CDH4: variants seen among roughly 807,000 people sequenced by gnomAD.
The protein encoded by CDH4 is cadherin-4.
CDH4 carries 33 observed loss-of-function variants against 86.0 expected under a neutral mutation model. The ratio of observed to expected loss-of-function variants is 0.38; its 90% CI spans 0.29 to 0.51. CDH4 has a LOEUF of 0.51. CDH4 is among the 20% of genes least tolerant of loss of function. The pLI is 0.86. For synonymous variants in CDH4, 555 were observed against 549.4 expected (o/e 1.01, Z -0.14); for missense variants, 1,114 against 1,307.4 (o/e 0.85, Z 2.28).
rs779711635 is a variant in CDH4 at position 61,844,697 on chromosome 20, C to T, written c.606C>T (p.Pro202=). The change falls in exon 5 of 16, where the codon CCC becomes CCT. Residue 202 remains proline, a synonymous_variant. Transcript: ENST00000614565. ...RIRSDKDNDI[P]IRYSITGVGA... ...GGTCCGACAAAGACAATGACATCCC[C>T]ATCCGGTACAGCATCACGGGAGTGG... is the stretch of plus-strand genomic sequence containing the variant. 6 of 1,613,428 alleles carry T rather than the reference C, an allele frequency of 3.7e-6. No homozygotes were observed. Among genetic ancestry groups the T allele is most frequent in the African/African-American group, 1.3e-5 (1 of 75,064 alleles).
At chr20:61,692,140 T>A (rs114339746) in intron 2 of CDH4, among the ~76,000 whole-genome samples, 2,494 of 146,446 alleles carry the variant, frequency 0.017, 55 homozygotes, top group African/African-American at 0.059. Flanking sequence ...TGTGTCTGTA[T>A]GTATGTGTGT....
At chr20:61,598,809 T>A (rs1254989538) in intron 2 of CDH4, among the ~76,000 whole-genome samples, 1 of 152,174 alleles carries the variant, frequency 6.6e-6, no homozygotes, top group Non-Finnish European at 1.5e-5. Flanking sequence ...GGGTCCTCCA[T>A]GGAAGTGTGG....
At chr20:61,698,314 GCA>G (rs1245097514) in intron 2 of CDH4, among the ~76,000 whole-genome samples, 5 of 152,246 alleles carry the variant, frequency 3.3e-5, no homozygotes, top group Admixed American at 6.5e-5. Context: ...GCGATTGAGG[GCA>G]CAGAGTCGAG....
chr20:61,568,322 A>C (rs1415363306), intron 2 of CDH4, among the ~76,000 whole-genome samples: 1 of 152,170 alleles, frequency 6.6e-6, no homozygotes. Flanking sequence ...TTCTCACCAG[A>C]TCTGATGGTT....
chr20:61,542,670 G>C (rs6061632), intron 2 of CDH4, among the ~76,000 whole-genome samples: 8,470 of 152,242 alleles, frequency 0.056, 793 homozygotes, highest in African/African-American at 0.19. Context: ...AAACACAAGG[G>C]AATATTTATA....
At chr20:61,332,504 G>A (rs1224611179) in intron 2 of CDH4, among the ~76,000 whole-genome samples, 1 of 152,226 alleles carries the variant, frequency 6.6e-6, no homozygotes, top group Non-Finnish European at 1.5e-5. Context: ...TCTACGGTAG[G>A]GGGATTCTTG....
At chr20:61,814,146 CTG>C (rs961065883) in intron 4 of CDH4, among the ~76,000 whole-genome samples, 4 of 152,208 alleles carry the variant, frequency 2.6e-5, no homozygotes, top group African/African-American at 9.6e-5. Flanking sequence ...GTATGGTAAC[CTG>C]TGTGTCCTCC....
intron 2 of CDH4, among the ~76,000 whole-genome samples, chr20:61,459,423 T>A (rs1568852746): frequency 6.6e-6 from 1 of 151,556 alleles, no homozygotes; most frequent in Non-Finnish European, 1.5e-5. Context: ...ACACTGCAGT[T>A]CTTCACTGGT....
chr20:61,321,155 G>C (rs2084506234), intron 2 of CDH4, among the ~76,000 whole-genome samples: 1 of 152,226 alleles, frequency 6.6e-6, no homozygotes, highest in Non-Finnish European at 1.5e-5. Flanking sequence ...GAGAGGAAGA[G>C]AGAGAAGGCT....
chr20:61,743,519 C>T (rs1187818562), intron 2 of CDH4, 44 bp from the exon 3 acceptor site: 7 of 1,492,162 alleles, frequency 4.7e-6, no homozygotes, highest in Admixed American at 2.0e-5. Context: ...TACCGCCCTT[C>T]TGCTGGCCAA....
At position 61,424,580 on chromosome 20, in the gene CDH4, T is replaced by C. The variant is rs150350405; in HGVS notation, c.169+169643T>C. Among the ~76,000 whole-genome samples the C allele has an allele frequency of 2.0e-5, 3 of 152,312 alleles. No homozygotes were observed. In the East Asian group the frequency reaches 5.8e-4, roughly 29 times the overall value. On this transcript the variant is annotated intron_variant, in intron 2 of 15. Coordinates refer to ENST00000614565, the MANE Select transcript of CDH4 (RefSeq NM_001794.5). ...TGCAGCCACTGATGTGGTCCTCCCA[T>C]GGCCCTTGTCTCCTCCTGGGTCTCT...
At chr20:61,297,669 C>T (rs1275939682) in intron 2 of CDH4, among the ~76,000 whole-genome samples, 3 of 152,254 alleles carry the variant, frequency 2.0e-5, no homozygotes, top group Non-Finnish European at 4.4e-5. Context: ...CAAGAAGCTC[C>T]TCTGTCCTGC....
At chr20:61,352,261 A>G (rs4812315) in intron 2 of CDH4, among the ~76,000 whole-genome samples, 67,280 of 152,086 alleles carry the variant, frequency 0.44, 15,346 homozygotes, top group African/African-American at 0.55. Context: ...CTGTCCTGCA[A>G]CTTACTTTTA....
At chr20:61,639,729 C>T (rs1015661821) in intron 2 of CDH4, among the ~76,000 whole-genome samples, 4 of 151,996 alleles carry the variant, frequency 2.6e-5, no homozygotes, top group South Asian at 2.1e-4. Context: ...CTTAACGCAG[C>T]GCAGAAGGCT....
intron 2 of CDH4, among the ~76,000 whole-genome samples, chr20:61,569,038 G>C (rs1476201638): frequency 2.0e-5 from 3 of 152,162 alleles, no homozygotes; most frequent in African/African-American, 7.2e-5. Context: ...GGACTGCATG[G>C]GTCATGGGGG....
At chr20:61,928,086 T>A in intron 11 of CDH4, 104 bp from the exon 12 acceptor site, 1 of 864,396 alleles carries the variant, frequency 1.2e-6, no homozygotes, top group Non-Finnish European at 1.9e-6. Context: ...TGTGTCCCTG[T>A]GTATGTTGCA....
chr20:61,560,568 T>G (rs2086209240), intron 2 of CDH4, among the ~76,000 whole-genome samples: 2 of 152,218 alleles, frequency 1.3e-5, no homozygotes, highest in Non-Finnish European at 2.9e-5. Context: ...CCTAGCGGGT[T>G]ACTTACCCCG....
rs1223466787 is a variant in CDH4 at position 61,829,869 on chromosome 20, C to T, written c.577-14799C>T. Among the ~76,000 whole-genome samples, 13 of 152,216 alleles carry T rather than the reference C, an allele frequency of 8.5e-5. No homozygotes were observed. The highest frequency in any genetic ancestry group is 2.0e-4 in the Admixed American group (3 of 15,306). The stretch of plus-strand genomic sequence containing the variant: ...CAAAGCTCATTTCCCTCATCCCTCC[C>T]GCCCCTAGCCTGCTGGGGTGGGAGG... On this transcript the variant is annotated intron_variant, in intron 4 of 15. Transcript: ENST00000614565. This position sits in a 1 kb window ranked among gnomAD's most constrained non-coding sequence, Gnocchi z 4.2.
rs1285431285 is a variant in CDH4, at chr20:61,565,338, TAGTGGTCCTCTTGGTGATGG to T, written c.170-178224_170-178205del. ...GTGGCGGTGCTCTTGGTGATGGTGG[TAGTGGTCCTCTTGGTGATGG>T]GGTGATGGTGGTGGTGGTCCTCTTG... On this transcript the variant is annotated intron_variant, in intron 2 of 15. Coordinates refer to ENST00000614565, the MANE Select transcript of CDH4 (RefSeq NM_001794.5). Among the ~76,000 whole-genome samples the T allele has an allele frequency of 8.7e-4, 35 of 40,126 alleles. 5 individuals carry two copies. The highest frequency in any genetic ancestry group is 2.3e-3 in the South Asian group (2 of 876). The allele number at this position is 40,126 out of a possible 152,430, so 26.3% of individuals were successfully genotyped here.
Sources: gnomAD v4.1 joint callset for allele counts (sites outside exome capture counted in the v4.1 genomes callset) on GRCh38, gnomAD v4.1.1 for gene constraint, Gnocchi (gnomAD v3.1) non-coding constraint, MANE v1.5 for transcripts, NCBI Gene and HGNC (gene_info 2026-07-23, HGNC 2026-07-21) for gene names.